ACOT12: variants seen among roughly 807,000 people sequenced by gnomAD.
ACOT12 encodes the protein acyl-CoA thioesterase 12, also known as acetyl-coenzyme A thioesterase.
A neutral mutation model predicts 67.7 loss-of-function variants in ACOT12; 51 were observed. The ratio of observed to expected loss-of-function variants is 0.75; its 90% confidence interval spans 0.60 to 0.95. The LOEUF (loss-of-function observed/expected upper bound fraction) is 0.95. Ranked by LOEUF, ACOT12 falls within the 40% of genes least tolerant of loss-of-function variation. The pLI is 0.00. For synonymous variants in ACOT12, 251 were observed against 244.6 expected, an observed-to-expected ratio of 1.03 and a Z score of -0.24; for missense variants, 734 against 708.1, an observed-to-expected ratio of 1.04 and a Z score of -0.41.
chr5:81,345,966 T>A lies in ACOT12; in HGVS notation c.692A>T (p.Asp231Val), dbSNP rs1331125689. ...CWAHPFLKSV[D>V]MFKFRGPSTV... ...AGATGGTCCCCGGAACTTAAACATATCTACGGACTTCAGAAAGGGATGAGC... is the reference window on the plus strand; with the variant it reads ...AGATGGTCCCCGGAACTTAAACATAACTACGGACTTCAGAAAGGGATGAGC... The change falls in exon 7 of 15, where the codon GAT becomes GTT. Residue 231 changes from aspartate (D) to valine (V), a missense_variant. By Grantham distance (152) the Asp-to-Val change is radical. Coordinates refer to ENST00000307624, the MANE Select transcript of ACOT12 (RefSeq NM_130767.3). The A allele has an allele frequency of 3.3e-5, 54 of 1,614,040 alleles. No homozygotes were observed. The highest frequency in any genetic ancestry group is 4.6e-5 in the Non-Finnish European group (54 of 1,179,962).
chr5:81,314,354 C>T, the ACOT12 span, among the ~76,000 whole-genome samples: 3 of 152,258 alleles, frequency 2.0e-5, no homozygotes, highest in African/African-American at 7.2e-5. Flanking sequence ...CTGCTCGCCT[C>T]GGCCTCCCAA....
At chr5:81,344,513 T>A (rs540094900) in intron 8 of ACOT12, among the ~76,000 whole-genome samples, 3 of 152,288 alleles carry the variant, frequency 2.0e-5, no homozygotes, top group South Asian at 2.1e-4. Context: ...TTAGAAAAAA[T>A]TAACATTGGC....
chr5:81,330,812 A>ACT lies in ACOT12; in HGVS notation c.1518+1_1518+2insAG, dbSNP rs1235877469. 6.2e-7 allele frequency: 1 copy of ACT among 1,613,116 alleles called. No homozygotes were observed. Among genetic ancestry groups the ACT allele is most frequent in the Non-Finnish European group, 8.5e-7 (1 of 1,179,706 alleles). On this transcript the variant is annotated splice_donor_variant, in intron 14 of 14. Transcript: ENST00000307624. LOFTEE classifies it high-confidence loss of function. Reference sequence around the variant, plus strand: ...AATCTGCAGATGTTTCATCAAACTTACGATGCATGAATTGCTGTCAATAGC... The same window carrying ACT: ...AATCTGCAGATGTTTCATCAAACTTACTCGATGCATGAATTGCTGTCAATAGC...
chr5:81,359,461 C>T (rs776932560), intron 5 of ACOT12, among the ~76,000 whole-genome samples: 1 of 152,178 alleles, frequency 6.6e-6, no homozygotes, highest in Non-Finnish European at 1.5e-5. Flanking sequence ...TGCTCATACC[C>T]CATATGATCT....
At chr5:81,346,102 T>A in intron 6 of ACOT12, 98 bp from the exon 7 acceptor site, 3 of 1,524,894 alleles carry the variant, frequency 2.0e-6, no homozygotes, top group South Asian at 1.3e-5. Context: ...TTCTTTAAAT[T>A]TGACTGAAAT....
chr5:81,343,790 T>A, intron 10 of ACOT12, 28 bp downstream of exon 10: 2 of 1,608,498 alleles, frequency 1.2e-6, no homozygotes, highest in Non-Finnish European at 1.7e-6. Flanking sequence ...GACTTTTATA[T>A]GAAGAGCTCC....
intron 5 of ACOT12, among the ~76,000 whole-genome samples, chr5:81,354,844 C>T (rs1031032611): frequency 4.6e-5 from 7 of 152,008 alleles, no homozygotes; most frequent in African/African-American, 1.7e-4. Context: ...GCTGGGATTA[C>T]AGTAGTGCAC....
Position 81,330,243 on chromosome 5 carries a change from A to C in ACOT12, c.*151T>G. ...AATCCAAATCACTGGTATTTGACTT[A>C]AGATGCATTTTGTTTTTTAACTCCG... is the stretch of plus-strand genomic sequence containing the variant. On this transcript the variant is annotated 3_prime_UTR_variant, in exon 15 of 15. Coordinates refer to ENST00000307624, the MANE Select transcript of ACOT12 (RefSeq NM_130767.3). The C allele has an allele frequency of 1.3e-6, 1 of 772,602 alleles. No individual in the cohort carries two copies. The allele number at this position is 772,602 out of a possible 1,614,324, so 47.9% of individuals were successfully genotyped here.
At chr5:81,392,384 T>A (rs1007556702) in intron 1 of ACOT12, among the ~76,000 whole-genome samples, 1 of 152,206 alleles carries the variant, frequency 6.6e-6, no homozygotes, top group African/African-American at 2.4e-5. Context: ...ACCAACTTTA[T>A]CATACAGGTT....
At chr5:81,383,500 C>T (rs1372363765) in intron 2 of ACOT12, among the ~76,000 whole-genome samples, 1 of 152,064 alleles carries the variant, frequency 6.6e-6, no homozygotes, top group Non-Finnish European at 1.5e-5. Flanking sequence ...AAACAAATGA[C>T]CAGGTTTCTT....
At chr5:81,360,725 C>G (rs1444554684) in intron 4 of ACOT12, among the ~76,000 whole-genome samples, 4 of 152,092 alleles carry the variant, frequency 2.6e-5, no homozygotes, top group Admixed American at 2.6e-4. Context: ...TTCCAAGATA[C>G]TCAAAGTCTG....
rs78642785 is a variant in ACOT12, at chr5:81,330,400, T to C, written c.1662A>G (p.Thr554=). The C allele has an allele frequency of 3.1e-3, 4,953 of 1,606,356 alleles. 19 individuals carry two copies. The highest frequency in any genetic ancestry group is 7.5e-3 in the Middle Eastern group (45 of 6,018). The change falls in exon 15 of 15, where the codon ACA becomes ACG. Residue 554 remains threonine, a synonymous_variant. Coordinates refer to ENST00000307624, the MANE Select transcript of ACOT12 (RefSeq NM_130767.3). The part of the protein sequence containing the change: ...ENPPDDGFVS[T]F ...AGTAATTGAAAGTTGACCTTTAAAA[T>C]GTGCTTACAAACCCATCATCAGGAG...
At chr5:81,389,791 T>C (rs1351259091) in intron 1 of ACOT12, among the ~76,000 whole-genome samples, 2 of 151,846 alleles carry the variant, frequency 1.3e-5, no homozygotes, top group East Asian at 1.9e-4. Flanking sequence ...CCTCCCAAAG[T>C]ACTGGGATTA....
At chr5:81,371,709 G>A in intron 3 of ACOT12, 41 bp downstream of exon 3, 1 of 1,581,956 alleles carries the variant, frequency 6.3e-7, no homozygotes, top group Non-Finnish European at 8.7e-7. Flanking sequence ...CAATGAAGAA[G>A]TGAGCACCAA....
rs1431769286 is a variant in ACOT12, at chr5:81,380,572, AAAAAAAAAG to A, written c.197+5176_197+5184del. Among the ~76,000 whole-genome samples the A allele has an allele frequency of 4.6e-4, 68 of 147,588 alleles. 2 individuals carry two copies. Among genetic ancestry groups the A allele is most frequent in the South Asian group, 1.3e-3 (6 of 4,696 alleles). On this transcript the variant is annotated intron_variant, in intron 2 of 14. Coordinates refer to ENST00000307624, the MANE Select transcript of ACOT12 (RefSeq NM_130767.3). ...GAGTGAGACTGTCTTAGAAAAAAAAAAAAAAAAAGAAAAGAAATCTATCCCACAAATATA... is the reference window on the plus strand; with the variant it reads ...GAGTGAGACTGTCTTAGAAAAAAAAAAAAAGAAATCTATCCCACAAATATA...
chr5:81,389,792 A>G (rs2162974), intron 1 of ACOT12, among the ~76,000 whole-genome samples: 28,245 of 148,422 alleles, frequency 0.19, 3,201 homozygotes, highest in Admixed American at 0.25. Flanking sequence ...CTCCCAAAGT[A>G]CTGGGATTAC....
chr5:81,355,292 G>A (rs538564276), intron 5 of ACOT12, among the ~76,000 whole-genome samples: 6 of 152,142 alleles, frequency 3.9e-5, no homozygotes, highest in South Asian at 4.1e-4. Context: ...TACAGTTCTC[G>A]TTTTGTTTAT....
intron 13 of ACOT12, among the ~76,000 whole-genome samples, chr5:81,331,515 C>T (rs965020160): frequency 6.6e-6 from 1 of 152,300 alleles, no homozygotes; most frequent in Non-Finnish European, 1.5e-5. Flanking sequence ...CCAGCCTGGG[C>T]AACACATCAT....
At chr5:81,351,791 G>C (rs1044237332) in intron 5 of ACOT12, among the ~76,000 whole-genome samples, 1 of 152,026 alleles carries the variant, frequency 6.6e-6, no homozygotes, top group African/African-American at 2.4e-5. Flanking sequence ...GCACAGCAAA[G>C]AAAACAATCA....
Sources: gnomAD v4.1 joint callset for allele counts (sites outside exome capture counted in the v4.1 genomes callset) on GRCh38, gnomAD v4.1.1 for gene constraint, MANE v1.5 for transcripts, NCBI Gene and HGNC (gene_info 2026-07-23, HGNC 2026-07-21) for gene names.